The following LCP1 variants were observed in gnomAD, a reference collection of about 807,000 sequenced individuals.
LCP1 encodes lymphocyte cytosolic protein 1.
LCP1 carries 23 observed loss-of-function variants against 72.0 expected under a neutral mutation model. The observed-to-expected ratio is 0.32, with a 90% CI of 0.23 to 0.45. LCP1 has a LOEUF of 0.45. Ranked by LOEUF, LCP1 falls within the 20% of genes least tolerant of loss-of-function variation. LCP1 has a pLI of 1.00. For synonymous variants in LCP1, 245 were observed against 275.4 expected (o/e 0.89, Z 1.09); for missense variants, 571 against 748.3 (o/e 0.76, Z 2.76).
chr13:46,152,990 G>A (rs2045778098), intron 6 of LCP1, 45 bp from the exon 7 acceptor site: 7 of 1,561,680 alleles, frequency 4.5e-6, no homozygotes, highest in African/African-American at 1.4e-5. Context: ...TGACTTTGTA[G>A]ATGCCAAATA....
rs2138215001 is a variant in LCP1, at chr13:46,130,900, G to A, written c.1665C>T (p.Leu555=). The change falls in exon 15 of 16, where the codon CTC becomes CTT. Residue 555 remains leucine, a synonymous_variant. Transcript: ENST00000323076. The stretch of plus-strand genomic sequence containing the variant: ...TGGAACCTGGTTGGATGGCATCGAT[G>A]AGGTCCAGAACAGGCAGACTTGTAC... The part of the protein sequence containing the change: ...KISTSLPVLD[L]IDAIQPGSIN... 2 of 1,612,810 alleles carry A rather than the reference G, an allele frequency of 1.2e-6. No homozygotes were observed. Among genetic ancestry groups the A allele is most frequent in the East Asian group, 2.2e-5 (1 of 44,750 alleles).
intron 1 of LCP1, among the ~76,000 whole-genome samples, chr13:46,175,661 A>G (rs2045925769): frequency 6.6e-6 from 1 of 152,230 alleles, no homozygotes; most frequent in South Asian, 2.1e-4. Context: ...GAAAAGAAAC[A>G]GAATCCATGA....
At chr13:46,139,312 T>G (rs1051494589) in intron 13 of LCP1, among the ~76,000 whole-genome samples, 2 of 152,214 alleles carry the variant, frequency 1.3e-5, no homozygotes, top group African/African-American at 4.8e-5. Flanking sequence ...GTAATGGAGC[T>G]CTATACTTAG....
chr13:46,159,642 G>A lies in LCP1; in HGVS notation c.21C>T (p.Ser7=), dbSNP rs374341485. 5.0e-5 allele frequency: 81 copies of A among 1,614,008 alleles called. 1 individual carries two copies. The highest frequency in any genetic ancestry group is 1.7e-4 in the African/African-American group (13 of 75,012). ...CTCTGAGCTCCATCATTTCCTCATC[G>A]GACACTGATCCTCTGGCCATTTTTT... The part of the protein sequence containing the change: MARGSV[S]DEEMMELREA... The change falls in exon 2 of 16, where the codon TCC becomes TCT. Residue 7 remains serine (S), a synonymous_variant. Coordinates refer to ENST00000323076, the MANE Select transcript of LCP1 (RefSeq NM_002298.5).
rs1453908789 is a variant in LCP1 at position 46,127,541 on chromosome 13, C to T, written c.*50G>A. The stretch of plus-strand genomic sequence containing the variant: ...TTGAATCATCCCTGGAGCATCTGTG[C>T]CGGGCAGTCAGGAGTGAGTGCACCG... On this transcript the variant is annotated 3_prime_UTR_variant, in exon 16 of 16. Coordinates refer to ENST00000323076, the MANE Select transcript of LCP1 (RefSeq NM_002298.5). 1.2e-6 allele frequency: 2 copies of T among 1,607,732 alleles called. No homozygotes were observed. Among genetic ancestry groups the T allele is most frequent in the African/African-American group, 1.3e-5 (1 of 74,782 alleles).
At chr13:46,165,847 G>A (rs1468043223) in intron 1 of LCP1, among the ~76,000 whole-genome samples, 1 of 152,106 alleles carries the variant, frequency 6.6e-6, no homozygotes, top group Non-Finnish European at 1.5e-5. Context: ...TTGTGTGAGT[G>A]CATGTGAGAG....
At chr13:46,129,957 G>A (rs769286729) in intron 15 of LCP1, among the ~76,000 whole-genome samples, 2 of 152,210 alleles carry the variant, frequency 1.3e-5, no homozygotes, top group Non-Finnish European at 2.9e-5. Flanking sequence ...ACAGCCGTGT[G>A]AAGTCACAGA....
intron 1 of LCP1, among the ~76,000 whole-genome samples, chr13:46,161,282 G>T (rs2045836907): frequency 6.6e-6 from 1 of 151,810 alleles, no homozygotes; most frequent in Admixed American, 6.6e-5. Context: ...GGAACTCCAG[G>T]GAGCATGATT....
At chr13:46,136,741 G>C (rs568627841) in intron 13 of LCP1, among the ~76,000 whole-genome samples, 2 of 152,062 alleles carry the variant, frequency 1.3e-5, no homozygotes, top group East Asian at 3.9e-4. Context: ...TCTGCCTAAT[G>C]AACATCTGAA....
At chr13:46,159,287 A>G in intron 2 of LCP1, 1 of 523,942 alleles carries the variant, frequency 1.9e-6, no homozygotes, top group South Asian at 2.6e-5. Context: ...ATAAAGAGTA[A>G]GAGAAAGTAT....
intron 1 of LCP1, among the ~76,000 whole-genome samples, chr13:46,176,097 A>G (rs1038228925): frequency 4.6e-5 from 7 of 152,232 alleles, no homozygotes; most frequent in African/African-American, 1.7e-4. Flanking sequence ...TTGTTTAGAT[A>G]CAAAATTATA....
At chr13:46,178,388 G>C (rs1319691968) in intron 1 of LCP1, among the ~76,000 whole-genome samples, 1 of 152,130 alleles carries the variant, frequency 6.6e-6, no homozygotes, top group Admixed American at 6.5e-5. Context: ...AATAGTATAA[G>C]GCAGGAAGTT....
chr13:46,159,468 T>G, intron 2 of LCP1, 131 bp downstream of exon 2: 1 of 697,746 alleles, frequency 1.4e-6, no homozygotes, highest in South Asian at 1.8e-5. Context: ...TTCTCCCAGC[T>G]CCTCTAAACA....
At chr13:46,133,786 T>C (rs1011039981) in intron 14 of LCP1, among the ~76,000 whole-genome samples, 3 of 152,104 alleles carry the variant, frequency 2.0e-5, no homozygotes, top group Non-Finnish European at 4.4e-5. Flanking sequence ...TTGGGTACGA[T>C]GCTCCATACC....
chr13:46,129,765 G>A (rs748445885), intron 15 of LCP1, among the ~76,000 whole-genome samples: 21 of 151,974 alleles, frequency 1.4e-4, no homozygotes, highest in Non-Finnish European at 2.2e-4. Flanking sequence ...GTGTCTCTTC[G>A]AAATTCATAT....
At chr13:46,137,618 A>T (rs1049885966) in intron 13 of LCP1, among the ~76,000 whole-genome samples, 2 of 152,224 alleles carry the variant, frequency 1.3e-5, no homozygotes, top group African/African-American at 4.8e-5. Context: ...TTTGAAATGT[A>T]AAACAAAAAC....
chr13:46,171,193 T>A (rs920544928), intron 1 of LCP1, among the ~76,000 whole-genome samples: 2 of 152,244 alleles, frequency 1.3e-5, no homozygotes, highest in African/African-American at 4.8e-5. Flanking sequence ...AGGGTATTAC[T>A]ATGATTCCCA....
At chr13:46,139,361 T>A (rs936512456) in intron 13 of LCP1, among the ~76,000 whole-genome samples, 2 of 152,210 alleles carry the variant, frequency 1.3e-5, no homozygotes, top group Non-Finnish European at 1.5e-5. Flanking sequence ...TCTTTTATGA[T>A]CACTTCTGAT....
intron 7 of LCP1, among the ~76,000 whole-genome samples, 163 bp downstream of exon 7, chr13:46,152,617 C>T (rs952167657): frequency 5.9e-5 from 9 of 152,164 alleles, no homozygotes; most frequent in East Asian, 1.9e-4. Flanking sequence ...CATTAAAAAA[C>T]GTCTGGTCTG....
Sources: allele counts gnomAD v4.1 joint callset (sites outside exome capture counted in the v4.1 genomes callset), GRCh38; gene constraint gnomAD v4.1.1; transcripts MANE v1.5; gene names NCBI Gene and HGNC (gene_info 2026-07-23, HGNC 2026-07-21).